The following SYNE1 variants were observed in gnomAD, a reference collection of about 807,000 sequenced individuals.
The protein encoded by SYNE1 is spectrin repeat containing nuclear envelope protein 1, also known as nesprin-1.
Under a neutral mutation model 1,111.0 loss-of-function variants are expected in SYNE1, and 616 were observed. That is an observed-to-expected ratio of 0.55 (90% CI 0.52 to 0.59). The LOEUF (loss-of-function observed/expected upper bound fraction) is 0.59. SYNE1 is among the 20% of genes least tolerant of loss of function. The probability of loss-of-function intolerance (pLI) is 0.00; values close to 1 mark genes in which losing one functional copy is unlikely to be tolerated. For synonymous variants in SYNE1, 3,855 were observed against 3,825.8 expected (o/e 1.01, Z -0.28); for missense variants, 10,006 against 10,417.0 (o/e 0.96, Z 1.72).
chr6:152,165,998 G>A (rs956686966), intron 130 of SYNE1, among the ~76,000 whole-genome samples: 6 of 152,208 alleles, frequency 3.9e-5, no homozygotes, highest in Admixed American at 6.5e-5. Flanking sequence ...AGCACAGAGA[G>A]GTCCGTCCTG....
chr6:152,339,269 G>A lies in SYNE1; in HGVS notation c.12323C>T (p.Ala4108Val), dbSNP rs560488372. 1.8e-5 allele frequency: 29 copies of A among 1,613,898 alleles called. No homozygotes were observed. In the South Asian group the frequency reaches 2.9e-4, roughly 16 times the overall value. The change falls in exon 75 of 146, where the codon GCA (alanine) becomes GTA (valine). Residue 4108 changes from alanine (A) to valine (V), a missense_variant. Transcript: ENST00000367255. Reference protein sequence around the residue: ...DLSNASVKTTAKDIQQTEQTI... With the variant: ...DLSNASVKTTVKDIQQTEQTI... ...TTGCTCTGTTTGTTGAATGTCTTTT[G>A]CTGTGGTTTTCACCGAAGCATTTGA...
chr6:152,541,080 G>C (rs185152536), intron 3 of SYNE1, among the ~76,000 whole-genome samples: 1 of 152,266 alleles, frequency 6.6e-6, no homozygotes, highest in African/African-American at 2.4e-5. Context: ...GCGGTACTTT[G>C]CTATGTAACA....
chr6:152,329,815 T>A lies in SYNE1; in HGVS notation c.14870A>T (p.Glu4957Val), dbSNP rs1310249687. The change falls in exon 78 of 146, where the codon GAG becomes GTG. Residue 4957 changes from glutamate to valine, a missense_variant. Glu to Val is a moderately radical substitution (Grantham distance 121). Coordinates refer to ENST00000367255, the MANE Select transcript of SYNE1 (RefSeq NM_182961.4). ...GTGTTCTAAATCCGCAGAAATCAGC[T>A]CCTTGGCCTTTGTGAACTTCTCCTT... Reference protein sequence around the residue: ...KEKEKFTKAKELISADLEHSL... With the variant: ...KEKEKFTKAKVLISADLEHSL... 1 of 1,614,150 alleles carries A rather than the reference T, an allele frequency of 6.2e-7. No homozygotes were observed. Among genetic ancestry groups the A allele is most frequent in the African/African-American group, 1.3e-5 (1 of 75,032 alleles).
Position 152,293,724 on chromosome 6 carries a change from T to C in SYNE1, c.17876A>G (p.Tyr5959Cys), listed in dbSNP as rs1012156673. The stretch of plus-strand genomic sequence containing the variant: ...CTTCTGCTGGCGTTCCAAAGCTTCA[T>C]AGAGTGTGCGCTGCTTCTCACTGAT... ...NVISEKQRTL[Y>C]EALERQQKYQ... The change falls in exon 95 of 146, where the codon TAT becomes TGT. Residue 5959 changes from tyrosine to cysteine, a missense_variant. Physicochemically the swap from Tyr to Cys is radical, Grantham distance 194. Coordinates refer to ENST00000367255, the MANE Select transcript of SYNE1 (RefSeq NM_182961.4). 1.1e-5 allele frequency: 18 copies of C among 1,613,812 alleles called. No individual in the cohort carries two copies. Among genetic ancestry groups the C allele is most frequent in the African/African-American group, 2.7e-5 (2 of 74,872 alleles).
intron 3 of SYNE1, among the ~76,000 whole-genome samples, chr6:152,611,598 G>A (rs1324242650): frequency 1.7e-4 from 26 of 151,984 alleles, no homozygotes; most frequent in African/African-American, 2.7e-4. Flanking sequence ...TGAGACAGAA[G>A]GTTAACAAGG....
At chr6:152,472,196 A>C in intron 15 of SYNE1, 105 bp downstream of exon 15, 786 of 820,336 alleles carry the variant, frequency 9.6e-4, no homozygotes, top group Non-Finnish European at 1.4e-3. Context: ...TACCAAAGGT[A>C]GGCGCCTCTG....
chr6:152,583,390 C>T (rs2099526861), intron 3 of SYNE1, among the ~76,000 whole-genome samples: 1 of 152,152 alleles, frequency 6.6e-6, no homozygotes, highest in African/African-American at 2.4e-5. Context: ...ACTAGTTGGG[C>T]ATCATTACCT....
intron 101 of SYNE1, among the ~76,000 whole-genome samples, chr6:152,256,991 A>C (rs984558946): frequency 3.1e-4 from 47 of 152,114 alleles, no homozygotes; most frequent in Admixed American, 2.8e-3. Context: ...AGTGGAAAAA[A>C]ATGTCTGACA....
intron 95 of SYNE1, among the ~76,000 whole-genome samples, chr6:152,292,175 C>T (rs1015644394): frequency 2.0e-5 from 3 of 152,148 alleles, no homozygotes; most frequent in East Asian, 1.9e-4. Context: ...ACTGAGGCCC[C>T]TTTAGAAAGG....
rs202004693 is a variant in SYNE1, at chr6:152,152,146, G to A, written c.24130-5C>T. 6.2e-7 allele frequency: 1 copy of A among 1,613,832 alleles called. No individual in the cohort carries two copies. Among genetic ancestry groups the A allele is most frequent in the African/African-American group, 1.3e-5 (1 of 75,034 alleles). On this transcript the variant is annotated splice_polypyrimidine_tract_variant and splice_region_variant and intron_variant, in intron 133 of 145. Coordinates refer to ENST00000367255, the MANE Select transcript of SYNE1 (RefSeq NM_182961.4). ...GTGGACCTGTCGCTGGAAAGCCTAA[G>A]GCCACAGAGAAGCATATCAGTGTGA...
rs2096754374 is a variant in SYNE1, at chr6:152,352,289, C to T, written c.11318G>A (p.Arg3773Lys). 1.9e-6 allele frequency: 3 copies of T among 1,614,042 alleles called. No individual in the cohort carries two copies. The highest frequency in any genetic ancestry group is 1.3e-5 in the African/African-American group (1 of 74,916). The change falls in exon 70 of 146, where the codon AGG becomes AAG. Residue 3773 changes from arginine to lysine, a missense_variant. Physicochemically the swap from Arg to Lys is conservative, Grantham distance 26. This residue lies in a region of SYNE1 where 4,955 missense variants were observed against 5,017.2 expected (regional missense o/e 0.99). Coordinates refer to ENST00000367255, the MANE Select transcript of SYNE1 (RefSeq NM_182961.4). Reference protein sequence around the residue: ...LLKSAREKGERAVKYLEEGEA... With the variant: ...LLKSAREKGEKAVKYLEEGEA... ...GCCTTCCTCCAAGTATTTAACAGCC[C>T]TCTCTCCTTTCTCCCGGGCTGATTT...
chr6:152,287,409 TATTGTAGCTTTATA>T (rs1475204562), intron 95 of SYNE1, among the ~76,000 whole-genome samples: 1 of 152,232 alleles, frequency 6.6e-6, no homozygotes, highest in Non-Finnish European at 1.5e-5. Context: ...CAATCTTAAT[TATTGTAGCTTTATA>T]AATCTCCCTA....
chr6:152,122,558 G>C lies in SYNE1; in HGVS notation c.26272C>G (p.Leu8758Val), dbSNP rs139740651. The C allele has an allele frequency of 1.4e-5, 23 of 1,614,214 alleles. No individual in the cohort carries two copies. The African/African-American group carries it at 2.9e-4, about 21-fold the overall frequency. ...ALPLQLLLLLLIGLACLVPMS... is the reference protein window; with the variant it reads ...ALPLQLLLLLVIGLACLVPMS... ...GGTACAAGGCAGGCAAGCCCGATGA[G>C]GAGGAGCAGGAGAAGCTGAAGGGGA... The change falls in exon 146 of 146, where the codon CTC (leucine) becomes GTC (valine). Residue 8758 changes from leucine to valine, a missense_variant. Coordinates refer to ENST00000367255, the MANE Select transcript of SYNE1 (RefSeq NM_182961.4).
At chr6:152,472,627 A>G (rs1165289925) in intron 14 of SYNE1, 1 of 703,088 alleles carries the variant, frequency 1.4e-6, no homozygotes, top group African/African-American at 1.7e-5. Flanking sequence ...TGCATCTAAT[A>G]ATTATGCATC....
At chr6:152,277,058 T>C (rs1449737510) in intron 98 of SYNE1, among the ~76,000 whole-genome samples, 2 of 151,072 alleles carry the variant, frequency 1.3e-5, no homozygotes, top group African/African-American at 2.4e-5. Context: ...GCCCGGCTAA[T>C]TTTTGGTATT....
chr6:152,191,962 C>G (rs148390913), intron 127 of SYNE1, among the ~76,000 whole-genome samples: 5,982 of 152,210 alleles, frequency 0.039, 143 homozygotes, highest in Middle Eastern at 0.085. Flanking sequence ...TCATTTGTTT[C>G]AAGAAATTTT....
intron 3 of SYNE1, among the ~76,000 whole-genome samples, chr6:152,548,251 CA>C (rs1382387249): frequency 6.6e-6 from 1 of 152,198 alleles, no homozygotes; most frequent in Non-Finnish European, 1.5e-5. Context: ...TCCAAATGAA[CA>C]GGAGACTGGA....
intron 45 of SYNE1, among the ~76,000 whole-genome samples, chr6:152,405,993 T>G (rs1282833465): frequency 6.6e-6 from 1 of 151,908 alleles, no homozygotes; most frequent in Non-Finnish European, 1.5e-5. Flanking sequence ...TTATATATAA[T>G]ATATATTGTA....
chr6:152,124,129 C>A (rs1438722597), intron 145 of SYNE1, among the ~76,000 whole-genome samples: 3 of 152,126 alleles, frequency 2.0e-5, no homozygotes, highest in Non-Finnish European at 4.4e-5. Flanking sequence ...TTCAAGCCAG[C>A]CTGGCCAACA....
Sources: allele counts gnomAD v4.1 joint callset (sites outside exome capture counted in the v4.1 genomes callset), GRCh38; gene constraint gnomAD v4.1.1; regional missense constraint gnomAD v4.1.1; transcripts MANE v1.5; gene names NCBI Gene and HGNC (gene_info 2026-07-23, HGNC 2026-07-21).